The following SCN9A variants were observed in gnomAD, a reference collection of about 807,000 sequenced individuals.
SCN9A encodes sodium voltage-gated channel alpha subunit 9.
SCN9A carries 131 observed loss-of-function variants against 187.0 expected under a neutral mutation model. That is an observed-to-expected ratio of 0.70 (90% CI 0.61 to 0.81). SCN9A has a LOEUF of 0.81. SCN9A is among the 30% of genes least tolerant of loss of function. The pLI, the probability that SCN9A is intolerant of heterozygous loss-of-function variation, is 0.00. For missense variants in SCN9A, 2,252 were observed against 2,396.6 expected (o/e 0.94, Z 1.26); for synonymous variants, 809 against 808.6 (o/e 1.00, Z -0.01).
intron 1 of SCN9A, among the ~76,000 whole-genome samples, chr2:166,329,671 C>T (rs188403481): frequency 1.6e-4 from 25 of 152,166 alleles, no homozygotes; most frequent in African/African-American, 5.3e-4. Context: ...TCCTTGTCCT[C>T]TAGGGCTTAC....
intron 20 of SCN9A, among the ~76,000 whole-genome samples, chr2:166,236,587 A>AT (rs1288600842): frequency 6.6e-6 from 1 of 151,798 alleles, no homozygotes. Context: ...TGTCTGGCTA[A>AT]TTTTTTGTAT....
rs1693251041 is a variant in SCN9A at position 166,196,482 on chromosome 2, A to G, written c.*2190T>C. ...CATATTTTTTATTTTACATAAAAAC[A>G]AGGCAATGTAAAAACATTAATAGAA... On this transcript the variant is annotated 3_prime_UTR_variant, in exon 27 of 27. Transcript: ENST00000642356. The G allele has an allele frequency of 6.6e-6, 1 of 152,166 alleles. No individual in the cohort carries two copies. The highest frequency in any genetic ancestry group is 1.5e-5 in the Non-Finnish European group (1 of 68,002). The allele number at this position is 152,166 out of a possible 1,614,324, so 9.4% of individuals were successfully genotyped here. A position where few individuals can be genotyped will look rare whatever the true frequency, so the allele number is the denominator to read the frequency against.
At chr2:166,223,431 G>A (rs997822474) in intron 24 of SCN9A, among the ~76,000 whole-genome samples, 4 of 152,196 alleles carry the variant, frequency 2.6e-5, no homozygotes, top group African/African-American at 9.7e-5. Context: ...CCTGCCATAT[G>A]CAGCAACTTG....
chr2:166,345,533 A>AG (rs35821032), intron 1 of SCN9A, among the ~76,000 whole-genome samples: 31,116 of 151,858 alleles, frequency 0.2, 3,976 homozygotes, highest in African/African-American at 0.36. Flanking sequence ...AACAAAAAAA[A>AG]GTAGGGAAAA....
intron 1 of SCN9A, among the ~76,000 whole-genome samples, chr2:166,374,978 A>G (rs1700654365): frequency 6.6e-6 from 1 of 152,142 alleles, no homozygotes; most frequent in African/African-American, 2.4e-5. Flanking sequence ...AACTGGCATT[A>G]ATGTTTCTAG....
Position 166,311,514 on chromosome 2 carries a change from G to A in SCN9A, c.243C>T (p.Tyr81=). The change falls in exon 2 of 27, where the codon TAC becomes TAT. Residue 81 remains tyrosine (Y), a synonymous_variant. Transcript: ENST00000642356. ...VSEPLEDLDP[Y]YADKKTFIVL... is the part of the protein sequence containing the mutation. Reference sequence around the variant, plus strand: ...ATAAACTCACCTTTTTGTCTGCATAGTAGGGGTCCAAGTCCTCCAGGGGCT... The same window carrying A: ...ATAAACTCACCTTTTTGTCTGCATAATAGGGGTCCAAGTCCTCCAGGGGCT... 1 of 1,607,054 alleles carries A rather than the reference G, an allele frequency of 6.2e-7. No individual in the cohort carries two copies. The highest frequency in any genetic ancestry group is 1.1e-5 in the South Asian group (1 of 89,850).
intron 10 of SCN9A, among the ~76,000 whole-genome samples, chr2:166,287,223 A>ATC (rs1474512026): frequency 1.4e-3 from 212 of 152,246 alleles, no homozygotes; most frequent in African/African-American, 4.8e-3. Context: ...GGAAATAAAG[A>ATC]TATAAATGAA....
chr2:166,308,844 T>C (rs1439167947), intron 2 of SCN9A, among the ~76,000 whole-genome samples: 1 of 141,572 alleles, frequency 7.1e-6, no homozygotes, highest in Non-Finnish European at 1.5e-5. Context: ...GAGAATGGCG[T>C]GAACCCGGGA....
intron 21 of SCN9A, 148 bp downstream of exon 21, chr2:166,233,192 T>C: frequency 3.1e-6 from 1 of 326,544 alleles, no homozygotes; most frequent in Non-Finnish European, 4.8e-6. Flanking sequence ...TATATGCATA[T>C]GTATATATGT....
chr2:166,291,260 A>C (rs983126135), intron 9 of SCN9A, among the ~76,000 whole-genome samples: 4 of 152,184 alleles, frequency 2.6e-5, no homozygotes, highest in African/African-American at 4.8e-5. Context: ...TGCAAAAATC[A>C]CAGGCATTCC....
At position 166,198,958 on chromosome 2, in the gene SCN9A, G is replaced by GT; in HGVS notation, c.5680dup (p.Thr1894AsnfsTer8). The GT allele has an allele frequency of 6.2e-7, 1 of 1,614,004 alleles. No homozygotes were observed. The highest frequency in any genetic ancestry group is 8.5e-7 in the Non-Finnish European group (1 of 1,179,904). On this transcript the variant is annotated frameshift_variant, in exon 27 of 27. Coordinates refer to ENST00000642356, the MANE Select transcript of SCN9A (RefSeq NM_001365536.1). LOFTEE classifies it high-confidence loss of function. ...ACGTCTATAAGCACGCTGAATGACA[G>GT]TAGCAGACACATCCTCTTGTTTCCG...
At chr2:166,315,057 G>T (rs953083728) in intron 1 of SCN9A, among the ~76,000 whole-genome samples, 18 of 152,202 alleles carry the variant, frequency 1.2e-4, no homozygotes, top group Admixed American at 3.3e-4. Flanking sequence ...AATAGGAAGA[G>T]ATTTAGTAAA....
At chr2:166,245,486 T>A (rs1325954886) in intron 18 of SCN9A, among the ~76,000 whole-genome samples, 2 of 151,632 alleles carry the variant, frequency 1.3e-5, no homozygotes, top group East Asian at 3.9e-4. Context: ...AGTAAAAAGT[T>A]TTATAAGAAG....
intron 17 of SCN9A, among the ~76,000 whole-genome samples, chr2:166,254,488 GT>G (rs1019650818): frequency 6.4e-4 from 96 of 150,470 alleles, no homozygotes; most frequent in East Asian, 5.9e-4. Flanking sequence ...ATATAATAAA[GT>G]TTTTTTTTCC....
intron 17 of SCN9A, among the ~76,000 whole-genome samples, chr2:166,272,179 C>A (rs1006444215): frequency 6.6e-6 from 1 of 151,988 alleles, no homozygotes; most frequent in Admixed American, 6.6e-5. Context: ...TACCTTTGAG[C>A]TTTCTCATAC....
chr2:166,203,007 C>T (rs1380528173), intron 26 of SCN9A, among the ~76,000 whole-genome samples: 1 of 148,210 alleles, frequency 6.7e-6, no homozygotes, highest in Non-Finnish European at 1.5e-5. Flanking sequence ...CAGGCACACT[C>T]TTTTTTTTTT....
chr2:166,276,064 T>C (rs1697221386), intron 16 of SCN9A, among the ~76,000 whole-genome samples: 1 of 152,150 alleles, frequency 6.6e-6, no homozygotes. Flanking sequence ...GTGGCAGATT[T>C]GAGAATTGAG....
rs368200143 is a variant in SCN9A at position 166,294,640 on chromosome 2, T to A, written c.924A>T (p.Gly308=). 3.7e-6 allele frequency: 6 copies of A among 1,608,978 alleles called. No individual in the cohort carries two copies. The highest frequency in any genetic ancestry group is 5.1e-6 in the Non-Finnish European group (6 of 1,177,046). Residue 308 remains glycine (G), a synonymous_variant, in exon 8 of 27, where the codon GGA becomes GGT. Coordinates refer to ENST00000642356, the MANE Select transcript of SCN9A (RefSeq NM_001365536.1). Reference sequence around the variant, plus strand: ...AACCACAAAGGAGAGCATCTTTGGATCCTTCCAAGTAATAAAAATATTCTG... The same window carrying A: ...AACCACAAAGGAGAGCATCTTTGGAACCTTCCAAGTAATAAAAATATTCTG... ...DFRKYFYYLE[G]SKDALLCGFS...
chr2:166,307,065 C>T lies in SCN9A; in HGVS notation c.268G>A (p.Val90Ile). ...PYYADKKTFI[V>I]LNKGKTIFRF... ...AAGATTGTTTTCCCTTTGTTCAATA[C>T]TATGAAAGTCTGCAGGAGGAAAAAG... is the stretch of plus-strand genomic sequence containing the variant. The change falls in exon 3 of 27, where the codon GTA (valine) becomes ATA (isoleucine). Residue 90 changes from valine to isoleucine, a missense_variant. By Grantham distance (29) the Val-to-Ile change is conservative. Coordinates refer to ENST00000642356, the MANE Select transcript of SCN9A (RefSeq NM_001365536.1). 3 of 1,575,248 alleles carry T rather than the reference C, an allele frequency of 1.9e-6. No homozygotes were observed. The highest frequency in any genetic ancestry group is 1.7e-4 in the Middle Eastern group (1 of 5,960).
Sources: gnomAD v4.1 joint callset for allele counts (sites outside exome capture counted in the v4.1 genomes callset) on GRCh38, gnomAD v4.1.1 for gene constraint, MANE v1.5 for transcripts, NCBI Gene and HGNC (gene_info 2026-07-23, HGNC 2026-07-21) for gene names.